Variants in SMARCA2 observed in about 807,000 individuals in gnomAD.
SMARCA2 encodes the protein SWI/SNF related BAF chromatin remodeling complex subunit ATPase 2.
SMARCA2 carries 61 observed loss-of-function variants against 199.8 expected under a neutral mutation model. That is an observed-to-expected ratio of 0.31 (90% CI 0.25 to 0.38). The LOEUF is 0.38. SMARCA2 is among the 10% of genes least tolerant of loss of function. The probability of loss-of-function intolerance (pLI) is 1.00; values close to 1 mark genes in which losing one functional copy is unlikely to be tolerated. For synonymous variants in SMARCA2, 935 were observed against 732.0 expected (o/e 1.28, Z -4.48); for missense variants, 1,344 against 2,012.2 (o/e 0.67, Z 6.35).
intron 1 of SMARCA2, among the ~76,000 whole-genome samples, chr9:2,026,333 A>G (rs529854151): frequency 1.3e-5 from 2 of 152,326 alleles, no homozygotes; most frequent in African/African-American, 4.8e-5. Flanking sequence ...CCTATATAAC[A>G]CGTTCCTATA....
chr9:2,091,194 T>C (rs2130503379), intron 19 of SMARCA2, among the ~76,000 whole-genome samples: 1 of 152,268 alleles, frequency 6.6e-6, no homozygotes, highest in East Asian at 1.9e-4. Flanking sequence ...CAACAAAAAT[T>C]CAAAACAATG....
At position 2,089,120 on chromosome 9, in the gene SMARCA2, A is replaced by T. The variant is rs1195522465; in HGVS notation, c.2883+507A>T. ...CAAATTACAGACACATCATCTAATT[A>T]TTCGGGGACATTATTTTTGTTCTGT... On this transcript the variant is annotated intron_variant, in intron 19 of 33. Coordinates refer to ENST00000349721, the MANE Select transcript of SMARCA2 (RefSeq NM_003070.5). Among the ~76,000 whole-genome samples the T allele has an allele frequency of 2.0e-5, 3 of 152,190 alleles. No individual in the cohort carries two copies. In the East Asian group the frequency reaches 5.8e-4, roughly 29 times the overall value.
At chr9:2,160,101 G>C (rs1244955591) in intron 27 of SMARCA2, 1 of 674,620 alleles carries the variant, frequency 1.5e-6, no homozygotes, top group South Asian at 2.4e-5. Flanking sequence ...CAGCCTCCAA[G>C]ATATGCGGGA....
At chr9:2,145,647 G>C (rs111443120) in intron 27 of SMARCA2, among the ~76,000 whole-genome samples, 4,197 of 152,230 alleles carry the variant, frequency 0.028, 77 homozygotes, top group Non-Finnish European at 0.045. Context: ...AAAATACCTA[G>C]AACAAATACA....
At chr9:2,138,812 C>T (rs569655330) in intron 27 of SMARCA2, among the ~76,000 whole-genome samples, 5 of 152,272 alleles carry the variant, frequency 3.3e-5, no homozygotes, top group African/African-American at 9.6e-5. Flanking sequence ...TTGCCTTTGG[C>T]GGCCCTAGAA....
In SMARCA2 at chr9:2,110,426, G is replaced by A; in HGVS notation, c.3456+9G>A. 1 of 1,577,298 alleles carries A rather than the reference G, an allele frequency of 6.3e-7. No homozygotes were observed. The highest frequency in any genetic ancestry group is 1.2e-5 in the South Asian group (1 of 84,610). On this transcript the variant is annotated intron_variant, in intron 24 of 33. Transcript: ENST00000349721. The surrounding 1 kb of genome is among the most constrained non-coding windows in gnomAD (Gnocchi z 4.8). ...ACTGGAATCCTCATCAGGTCTGCATGTCCCACTCAGGTGCCCAGGCCTCCC... is the reference window on the plus strand; with the variant it reads ...ACTGGAATCCTCATCAGGTCTGCATATCCCACTCAGGTGCCCAGGCCTCCC...
chr9:2,114,362 C>T (rs929727327), intron 24 of SMARCA2, among the ~76,000 whole-genome samples: 22 of 152,118 alleles, frequency 1.4e-4, no homozygotes, highest in Admixed American at 8.5e-4. Flanking sequence ...TTTTAAAGGT[C>T]CCTGCAGCAA....
At chr9:2,075,260 G>A (rs1267463042) in intron 12 of SMARCA2, 1 of 152,456 alleles carries the variant, frequency 6.6e-6, no homozygotes, top group African/African-American at 2.4e-5. Context: ...CTATCATAAG[G>A]TTTGATTTTT....
At chr9:2,084,252 A>C in intron 17 of SMARCA2, 56 bp downstream of exon 17, 1 of 896,252 alleles carries the variant, frequency 1.1e-6, no homozygotes, top group South Asian at 1.4e-5. Context: ...CTGGAATGTG[A>C]AGTATTGCCC....
rs1162825515 is a variant in SMARCA2, at chr9:2,170,168, A to C, written c.4200-251A>C. 1.3e-5 allele frequency among the ~76,000 whole-genome samples: 2 copies of C among 152,204 alleles called. No individual in the cohort carries two copies. Among genetic ancestry groups the C allele is most frequent in the African/African-American group, 4.8e-5 (2 of 41,450 alleles). ...AACATGTAAGAGGGAACAGGGTAAC[A>C]GGAATTTCTGTGTGTGACGGAAGTA... On this transcript the variant is annotated intron_variant, in intron 28 of 33. Transcript: ENST00000349721. The surrounding 1 kb of genome is among the most constrained non-coding windows in gnomAD (Gnocchi z 4.7).
intron 27 of SMARCA2, among the ~76,000 whole-genome samples, chr9:2,133,448 AT>A (rs1824054362): frequency 1.3e-5 from 2 of 151,788 alleles, no homozygotes; most frequent in Non-Finnish European, 2.9e-5. Context: ...CACCCAGCTA[AT>A]TTTTGTATTT....
intron 14 of SMARCA2, among the ~76,000 whole-genome samples, chr9:2,078,446 T>C (rs911862387): frequency 1.3e-5 from 2 of 151,858 alleles, no homozygotes; most frequent in Non-Finnish European, 2.9e-5. Flanking sequence ...CACTCCAGCC[T>C]GGGTGACAAA....
At chr9:2,151,434 G>A (rs915308887) in intron 27 of SMARCA2, among the ~76,000 whole-genome samples, 1 of 151,440 alleles carries the variant, frequency 6.6e-6, no homozygotes, top group Non-Finnish European at 1.5e-5. Flanking sequence ...TGAAGCTACA[G>A]TACGAACCAG....
At chr9:2,186,778 G>C (rs140690253) in intron 32 of SMARCA2, among the ~76,000 whole-genome samples, 1 of 152,140 alleles carries the variant, frequency 6.6e-6, no homozygotes, top group Admixed American at 6.5e-5. Context: ...CACCCGCCTC[G>C]GCCTCCCAAA....
At position 2,097,447 on chromosome 9, in the gene SMARCA2, C is replaced by T; in HGVS notation, c.3054C>T (p.His1018=). ...TGCAGTTGAGAAAAATCTGCAACCA[C>T]CCATATATGTTTCAGCACATTGAGG... is the stretch of plus-strand genomic sequence containing the variant. ...TIMQLRKICN[H]PYMFQHIEES... The change falls in exon 21 of 34, where the codon CAC becomes CAT. Residue 1018 remains histidine (H), a synonymous_variant. Coordinates refer to ENST00000349721, the MANE Select transcript of SMARCA2 (RefSeq NM_003070.5). The T allele has an allele frequency of 6.2e-7, 1 of 1,610,406 alleles. No individual in the cohort carries two copies. Among genetic ancestry groups the T allele is most frequent in the Non-Finnish European group, 8.5e-7 (1 of 1,176,930 alleles).
chr9:2,185,558 A>G (rs1289517908), intron 31 of SMARCA2, among the ~76,000 whole-genome samples: 1 of 152,034 alleles, frequency 6.6e-6, no homozygotes, highest in Non-Finnish European at 1.5e-5. Flanking sequence ...TAGTAGTTCT[A>G]TTTTCAATTT....
In SMARCA2 at chr9:2,031,177, T is replaced by C. The variant is rs148963525; in HGVS notation, c.226-1775T>C. ...AACTTTCTTTTTTCATTTAACAATG[T>C]ATTATGGATATCCCTATGACATTCT... On this transcript the variant is annotated intron_variant, in intron 2 of 33. Coordinates refer to ENST00000349721, the MANE Select transcript of SMARCA2 (RefSeq NM_003070.5). Among the ~76,000 whole-genome samples the C allele has an allele frequency of 2.9e-3, 448 of 152,326 alleles. 3 individuals carry two copies. Among genetic ancestry groups the C allele is most frequent in the Middle Eastern group, 6.8e-3 (2 of 294 alleles).
intron 13 of SMARCA2, among the ~76,000 whole-genome samples, chr9:2,076,692 C>G (rs1372078916): frequency 6.6e-6 from 1 of 152,084 alleles, no homozygotes; most frequent in Non-Finnish European, 1.5e-5. Context: ...TGCTTCGCTG[C>G]CTTTCCTGCC....
chr9:2,145,700 G>T (rs1274088745), intron 27 of SMARCA2, among the ~76,000 whole-genome samples: 1 of 152,200 alleles, frequency 6.6e-6, no homozygotes, highest in Non-Finnish European at 1.5e-5. Context: ...TCTAAGAGCA[G>T]TTTTCCCAGG....
Sources: gnomAD v4.1 joint callset for allele counts (sites outside exome capture counted in the v4.1 genomes callset) on GRCh38, gnomAD v4.1.1 for gene constraint, Gnocchi (gnomAD v3.1) non-coding constraint, MANE v1.5 for transcripts, NCBI Gene and HGNC (gene_info 2026-07-23, HGNC 2026-07-21) for gene names.